SOD2: variants seen among roughly 807,000 people sequenced by gnomAD.
SOD2 encodes superoxide dismutase 2.
SOD2 carries 11 observed loss-of-function variants against 27.0 expected under a neutral mutation model. That is an observed-to-expected ratio of 0.41 (90% CI 0.26 to 0.67). The LOEUF (loss-of-function observed/expected upper bound fraction) is 0.67, where lower values mean the gene tolerates loss of function less well. Ranked by LOEUF, SOD2 falls within the 30% of genes least tolerant of loss-of-function variation. SOD2 has a pLI of 0.34. For missense variants in SOD2, 250 were observed against 274.5 expected (o/e 0.91, Z 0.63); for synonymous variants, 105 against 103.0 (o/e 1.02, Z -0.12).
upstream of SOD2, among the ~76,000 whole-genome samples, chr6:159,696,296 G>GA (rs1457709088): frequency 2.0e-5 from 3 of 152,076 alleles, no homozygotes; most frequent in Non-Finnish European, 4.4e-5. Context: ...AAAAGTCTGG[G>GA]CTCCCACTGT....
intron 1 of SOD2, among the ~76,000 whole-genome samples, chr6:159,716,817 T>C (rs2114832513): frequency 6.6e-6 from 1 of 152,286 alleles, no homozygotes; most frequent in East Asian, 1.9e-4. Flanking sequence ...AAAATTCCAG[T>C]AGCACACTTG....
In SOD2 at chr6:159,682,405, T is replaced by C. The variant is rs1779999906; in HGVS notation, c.*88A>G. 3 of 1,093,052 alleles carry C rather than the reference T, an allele frequency of 2.7e-6. No homozygotes were observed. The highest frequency in any genetic ancestry group is 2.5e-6 in the Non-Finnish European group (2 of 789,784). 67.7% of individuals were successfully genotyped at this position (1,093,052 alleles called of 1,614,324 possible). On this transcript the variant is annotated 3_prime_UTR_variant, in exon 5 of 5. Coordinates refer to ENST00000538183, the MANE Select transcript of SOD2 (RefSeq NM_000636.4). ...TAAGCAACATCAAGAAATGCTACAA[T>C]AGAGCAGCTTACTGTATTCTGCAGT... is the stretch of plus-strand genomic sequence containing the variant.
chr6:159,762,084 C>T, exon 1 of SOD2: 1 of 1,613,022 alleles, frequency 6.2e-7, no homozygotes, highest in Non-Finnish European at 8.5e-7. Flanking sequence ...GCAGGAGAAG[C>T]AAGATGAATG....
rs1327588059 is a variant in SOD2, at chr6:159,681,999, T to C, written c.*494A>G. ...AAAAACTATACAGGAACATTTGACC[T>C]AACAAAAACCACTGGGTGACATCTA... On this transcript the variant is annotated 3_prime_UTR_variant, in exon 5 of 5. Coordinates refer to ENST00000538183, the MANE Select transcript of SOD2 (RefSeq NM_000636.4). 1.3e-5 allele frequency: 2 copies of C among 152,780 alleles called. No homozygotes were observed. The highest frequency in any genetic ancestry group is 1.9e-4 in the East Asian group (1 of 5,204). 9.5% of individuals were successfully genotyped at this position (152,780 alleles called of 1,614,324 possible).
intron 2 of SOD2, 163 bp from the exon 3 acceptor site, chr6:159,688,405 T>C: frequency 1.8e-6 from 1 of 569,098 alleles, no homozygotes; most frequent in Non-Finnish European, 3.1e-6. Context: ...AAATTATTTG[T>C]CCCAGACATG....
chr6:159,723,122 T>C (rs2114840790), intron 1 of SOD2, among the ~76,000 whole-genome samples: 1 of 152,332 alleles, frequency 6.6e-6, no homozygotes, highest in East Asian at 1.9e-4. Flanking sequence ...TTTGAACCTC[T>C]GCTAAAACAT....
intron 1 of SOD2, chr6:159,727,030 G>A (rs1778208896): frequency 2.4e-6 from 3 of 1,232,014 alleles, no homozygotes; most frequent in Admixed American, 5.6e-5. Flanking sequence ...CGCAGCCGCA[G>A]GTGGCCCCGG....
chr6:159,726,698 C>A (rs1157434176), intron 1 of SOD2: 9 of 1,169,038 alleles, frequency 7.7e-6, no homozygotes, highest in Non-Finnish European at 1.0e-5. Context: ...GGGCCCTCAA[C>A]GCCGCGGACA....
At position 159,726,588 on chromosome 6, in the gene SOD2, T is replaced by C. The variant is rs1778180016; in HGVS notation, c.-116+541A>G. 4 of 358,238 alleles carry C rather than the reference T, an allele frequency of 1.1e-5. No individual in the cohort carries two copies. In the Admixed American group the frequency reaches 1.6e-4, roughly 14 times the overall value. 22.2% of individuals were successfully genotyped at this position (358,238 alleles called of 1,614,324 possible). A position where few individuals can be genotyped will look rare whatever the true frequency, so the allele number is the denominator to read the frequency against. ...CACCGCCATTACTCGGCGGTCCAGA[T>C]GGCAGTCTTACTTCAGGGAGTCTAC... On this transcript the variant is annotated intron_variant, in intron 1 of 2. Transcript: ENST00000401980.
intron 1 of SOD2, chr6:159,736,332 TG>T: frequency 6.6e-7 from 1 of 1,515,682 alleles, no homozygotes; most frequent in Non-Finnish European, 9.1e-7. Context: ...TGTTTTGTTT[TG>T]GGTTTTTTGG....
At chr6:159,759,488 G>A (rs941806644) in intron 1 of SOD2, among the ~76,000 whole-genome samples, 4 of 151,498 alleles carry the variant, frequency 2.6e-5, no homozygotes, top group African/African-American at 9.7e-5. Context: ...TGACTAACAT[G>A]GTGAAACCCC....
At position 159,738,308 on chromosome 6, in the gene SOD2, G is replaced by A. The variant is rs111783607; in HGVS notation, c.-116+6822C>T. ...CCATTTGTATAATTGTTACTTCAGA[G>A]TGTTATATAAATGTAATCATGTAGT... On this transcript the variant is annotated intron_variant, in intron 1 of 3. Transcript: ENST00000537657. Among the ~76,000 whole-genome samples, 1,098 of 152,292 alleles carry A rather than the reference G, an allele frequency of 7.2e-3. 5 individuals are homozygous for A. Among genetic ancestry groups the A allele is most frequent in the East Asian group, 0.013 (70 of 5,188 alleles).
At chr6:159,692,578 G>A in intron 2 of SOD2, 83 bp downstream of exon 2, 3 of 1,580,514 alleles carry the variant, frequency 1.9e-6, no homozygotes, top group Non-Finnish European at 2.6e-6. Context: ...TCTCCTCCAC[G>A]GAGAGGCCCG....
chr6:159,706,736 A>G (rs1583033255), intron 1 of SOD2, among the ~76,000 whole-genome samples: 1 of 152,236 alleles, frequency 6.6e-6, no homozygotes, highest in African/African-American at 2.4e-5. Flanking sequence ...AAGGATATCC[A>G]GGAATTGAAT....
chr6:159,728,411 TA>T (rs1466122466), upstream of SOD2, among the ~76,000 whole-genome samples: 1 of 142,484 alleles, frequency 7.0e-6, no homozygotes, highest in African/African-American at 2.8e-5. Flanking sequence ...TGTGATTATG[TA>T]AAAAAAACAA....
intron 2 of SOD2, among the ~76,000 whole-genome samples, chr6:159,690,325 G>A (rs924392218): frequency 1.8e-4 from 27 of 150,658 alleles, no homozygotes; most frequent in Non-Finnish European, 2.7e-4. Flanking sequence ...GACTAGGCAC[G>A]GTGGCTCACA....
intron 1 of SOD2, chr6:159,753,269 T>A (rs1033524132): frequency 2.6e-6 from 2 of 765,392 alleles, no homozygotes; most frequent in Admixed American, 6.1e-5. Flanking sequence ...GGGTTTATTT[T>A]TACTGCTGTG....
At chr6:159,692,884 C>T (rs759737404) in intron 1 of SOD2, 21 bp from the exon 2 acceptor site, 2 of 1,569,502 alleles carry the variant, frequency 1.3e-6, no homozygotes, top group South Asian at 1.2e-5. Flanking sequence ...GAAAGCACAG[C>T]CCGGTCAGTC....
intron 1 of SOD2, among the ~76,000 whole-genome samples, chr6:159,699,117 CT>C (rs1381460493): frequency 6.6e-6 from 1 of 152,168 alleles, no homozygotes; most frequent in Non-Finnish European, 1.5e-5. Context: ...CCAGCCTTAT[CT>C]AATTGGAGCC....
Sources: allele counts gnomAD v4.1 joint callset (sites outside exome capture counted in the v4.1 genomes callset), GRCh38; gene constraint gnomAD v4.1.1; transcripts MANE v1.5; gene names NCBI Gene and HGNC (gene_info 2026-07-23, HGNC 2026-07-21).